Variants in BMPR2 observed in about 807,000 individuals in gnomAD.
BMPR2 encodes the protein bone morphogenetic protein receptor type 2.
In BMPR2, 29 loss-of-function variants were observed where a neutral mutation model predicts 100.8. That is an observed-to-expected ratio of 0.29 (90% confidence interval 0.21 to 0.39). The LOEUF (loss-of-function observed/expected upper bound fraction) is 0.39. BMPR2 is among the 10% of genes least tolerant of loss of function. BMPR2 has a pLI of 1.00. For missense variants in BMPR2, 1,011 were observed against 1,274.5 expected, an observed-to-expected ratio of 0.79 and a Z score of 3.15; for synonymous variants, 382 against 442.3, an observed-to-expected ratio of 0.86 and a Z score of 1.71.
In BMPR2 at chr2:202,376,602, G is replaced by A. The variant is rs1410392567; in HGVS notation, c.-873G>A. 7.1e-6 allele frequency among the ~76,000 whole-genome samples: 1 copy of A among 140,668 alleles called. No homozygotes were observed. Among genetic ancestry groups the A allele is most frequent in the African/African-American group, 2.6e-5 (1 of 38,290 alleles). 92.3% of individuals were successfully genotyped at this position (140,668 alleles called of 152,430 possible). ...ATTCGCTCACAGGAGCCATTGACGGGAGAAGAGGAGGCTTTCTTGGTGGAA... is the reference window on the plus strand; with the variant it reads ...ATTCGCTCACAGGAGCCATTGACGGAAGAAGAGGAGGCTTTCTTGGTGGAA... On this transcript the variant is annotated 5_prime_UTR_variant, in exon 1 of 13. Transcript: ENST00000374580.
At chr2:202,553,443 G>T (rs1196654765) in intron 11 of BMPR2, among the ~76,000 whole-genome samples, 1 of 151,912 alleles carries the variant, frequency 6.6e-6, no homozygotes, top group African/African-American at 2.4e-5. Context: ...TTCTTTGTTA[G>T]AACTATGATT....
At chr2:202,462,229 AT>A (rs550364869) in intron 1 of BMPR2, among the ~76,000 whole-genome samples, 5,314 of 135,110 alleles carry the variant, frequency 0.039, 274 homozygotes, top group African/African-American at 0.13. Flanking sequence ...AGGAACCACT[AT>A]TTTTTTTTTT....
At chr2:202,436,721 C>T (rs1050510933) in intron 1 of BMPR2, among the ~76,000 whole-genome samples, 1 of 150,304 alleles carries the variant, frequency 6.7e-6, no homozygotes, top group African/African-American at 2.5e-5. Flanking sequence ...TTTTATAATT[C>T]TAACTTATAT....
intron 3 of BMPR2, 66 bp downstream of exon 3, chr2:202,467,755 C>T: frequency 1.3e-6 from 2 of 1,514,410 alleles, no homozygotes; most frequent in Non-Finnish European, 1.8e-6. Flanking sequence ...TATAAAAAAA[C>T]TTAAAAAACA....
chr2:202,441,125 C>T (rs940142178), intron 1 of BMPR2, among the ~76,000 whole-genome samples: 1 of 149,920 alleles, frequency 6.7e-6, no homozygotes, highest in African/African-American at 2.5e-5. Flanking sequence ...GGACTACAGG[C>T]GCATGCTGCC....
intron 7 of BMPR2, among the ~76,000 whole-genome samples, chr2:202,526,370 A>G (rs1055390943): frequency 1.3e-5 from 2 of 152,212 alleles, no homozygotes; most frequent in Non-Finnish European, 2.9e-5. Flanking sequence ...ACTTTAATAT[A>G]TCAGTTTTCT....
chr2:202,560,725 A>G lies in BMPR2; in HGVS notation c.*779A>G, dbSNP rs1688665057. 1.3e-5 allele frequency: 2 copies of G among 152,630 alleles called. No homozygotes were observed. The highest frequency in any genetic ancestry group is 1.3e-4 in the Admixed American group (2 of 15,268). 9.5% of individuals were successfully genotyped at this position (152,630 alleles called of 1,614,324 possible). ...GAAATGCCATTTCTTTTAACCTTCC[A>G]AATCCTAAATGTTTCCTTCAAGGCA... is the stretch of plus-strand genomic sequence containing the variant. On this transcript the variant is annotated 3_prime_UTR_variant, in exon 13 of 13. Transcript: ENST00000374580.
chr2:202,425,714 T>C (rs13034114), intron 1 of BMPR2, among the ~76,000 whole-genome samples: 16,706 of 152,220 alleles, frequency 0.11, 1,072 homozygotes, highest in Non-Finnish European at 0.14. Flanking sequence ...ATAAATCTTA[T>C]TTAAAAAATC....
intron 1 of BMPR2, among the ~76,000 whole-genome samples, chr2:202,446,656 AT>A (rs71406978): frequency 6.8e-4 from 97 of 141,898 alleles, no homozygotes; most frequent in Non-Finnish European, 7.0e-4. Flanking sequence ...ACTCACATAC[AT>A]TTTTTTTTTT....
intron 8 of BMPR2, among the ~76,000 whole-genome samples, chr2:202,531,604 A>G (rs919922455): frequency 6.6e-6 from 1 of 152,114 alleles, no homozygotes. Context: ...TGCACAACAT[A>G]TATGTATTTT....
chr2:202,500,488 G>T (rs1687360862), intron 3 of BMPR2, among the ~76,000 whole-genome samples: 1 of 152,194 alleles, frequency 6.6e-6, no homozygotes, highest in Non-Finnish European at 1.5e-5. Context: ...TCTGGGCATT[G>T]GAAGGACAAT....
rs1038301740 is a variant in BMPR2, at chr2:202,376,570, G to A, written c.-905G>A. On this transcript the variant is annotated 5_prime_UTR_variant, in exon 1 of 13. Transcript: ENST00000374580. ...GGCAGCAGCAGCGGCTTCCTCGGGG[G>A]GTTGTGATTCGCTCACAGGAGCCAT... Among the ~76,000 whole-genome samples, 13 of 138,864 alleles carry A rather than the reference G, an allele frequency of 9.4e-5. No homozygotes were observed. The highest frequency in any genetic ancestry group is 3.2e-4 in the South Asian group (1 of 3,096). 91.1% of individuals were successfully genotyped at this position (138,864 alleles called of 152,430 possible). A position where few individuals can be genotyped will look rare whatever the true frequency, so the allele number is the denominator to read the frequency against.
At chr2:202,452,078 A>G (rs1342758044) in intron 1 of BMPR2, among the ~76,000 whole-genome samples, 1 of 152,008 alleles carries the variant, frequency 6.6e-6, no homozygotes, top group East Asian at 1.9e-4. Context: ...TTATAATTGT[A>G]TAATAGTCAT....
At chr2:202,438,725 T>TC (rs1691667569) in intron 1 of BMPR2, among the ~76,000 whole-genome samples, 2 of 150,804 alleles carry the variant, frequency 1.3e-5, no homozygotes, top group South Asian at 4.1e-4. Context: ...GGCAATTTTT[T>TC]CCCCATTGAA....
intron 10 of BMPR2, among the ~76,000 whole-genome samples, chr2:202,548,012 G>T (rs1688406518): frequency 6.6e-6 from 1 of 152,012 alleles, no homozygotes; most frequent in Admixed American, 6.6e-5. Flanking sequence ...TTGAACCTGG[G>T]AGGTGGAGAT....
At chr2:202,435,021 C>T (rs1390187533) in intron 1 of BMPR2, among the ~76,000 whole-genome samples, 2 of 142,568 alleles carry the variant, frequency 1.4e-5, no homozygotes, top group Non-Finnish European at 3.0e-5. Flanking sequence ...TGCAGACCCG[C>T]CTGGGCAACA....
chr2:202,538,634 G>T (rs1435176659), intron 9 of BMPR2, among the ~76,000 whole-genome samples: 3 of 151,234 alleles, frequency 2.0e-5, no homozygotes, highest in Admixed American at 1.3e-4. Context: ...TGTACTAAAA[G>T]TACAAAAAAA....
At chr2:202,391,436 C>T (rs926041677) in intron 1 of BMPR2, among the ~76,000 whole-genome samples, 6 of 151,626 alleles carry the variant, frequency 4.0e-5, no homozygotes, top group Non-Finnish European at 8.8e-5. Context: ...CTCCCAGTAG[C>T]TGGGACTACA....
At chr2:202,457,641 CTG>C (rs748937935) in intron 1 of BMPR2, among the ~76,000 whole-genome samples, 3 of 150,572 alleles carry the variant, frequency 2.0e-5, no homozygotes, top group Admixed American at 6.6e-5. Context: ...GCTAATTTTT[CTG>C]TGTCATACTT....
Sources: allele counts gnomAD v4.1 joint callset (sites outside exome capture counted in the v4.1 genomes callset), GRCh38; gene constraint gnomAD v4.1.1; transcripts MANE v1.5; gene names NCBI Gene and HGNC (gene_info 2026-07-23, HGNC 2026-07-21).